Variants in CBX2 observed in about 807,000 individuals in gnomAD.
CBX2 encodes chromobox 2, also known as chromobox protein homolog 2.
A neutral mutation model predicts 21.0 loss-of-function variants in CBX2; 11 were observed. That is an observed-to-expected ratio of 0.52 (90% CI 0.33 to 0.87). CBX2 has a LOEUF of 0.87. Ranked by LOEUF, CBX2 falls within the 40% of genes least tolerant of loss-of-function variation. The pLI, the probability that CBX2 is intolerant of heterozygous loss-of-function variation, is 0.02. For synonymous variants in CBX2, 364 were observed against 304.6 expected (o/e 1.19, Z -2.03); for missense variants, 746 against 724.3 (o/e 1.03, Z -0.34).
Position 79,782,536 on chromosome 17 carries a change from C to T in CBX2, c.288+735C>T. ...CCTCCTCCGGGCACTGTCCCTGGACCTTCGCGTGTTGTGGCCACGAGCTCA... is the reference window on the plus strand; with the variant it reads ...CCTCCTCCGGGCACTGTCCCTGGACTTTCGCGTGTTGTGGCCACGAGCTCA... On this transcript the variant is annotated intron_variant, in intron 4 of 4. Transcript: ENST00000310942. 4.6e-6 allele frequency: 5 copies of T among 1,097,232 alleles called. 1 individual carries two copies. Among genetic ancestry groups the T allele is most frequent in the South Asian group, 5.4e-5 (2 of 37,316 alleles). The allele number at this position is 1,097,232 out of a possible 1,614,324, so 68.0% of individuals were successfully genotyped here.
At chr17:79,780,777 G>C (rs1907122502) in intron 3 of CBX2, among the ~76,000 whole-genome samples, 1 of 152,212 alleles carries the variant, frequency 6.6e-6, no homozygotes, top group African/African-American at 2.4e-5. Context: ...CGACGCACAG[G>C]ATCACAGCAG....
In CBX2 at chr17:79,785,333, G is replaced by T; in HGVS notation, c.*291G>T. ...AACCCGGTGGCACCTGTGGCTCCAGGTGACTGTCTTGAACAGAGCGGGCTT... is the reference window on the plus strand; with the variant it reads ...AACCCGGTGGCACCTGTGGCTCCAGTTGACTGTCTTGAACAGAGCGGGCTT... On this transcript the variant is annotated 3_prime_UTR_variant, in exon 5 of 5. Coordinates refer to ENST00000310942, the MANE Select transcript of CBX2 (RefSeq NM_005189.3). The T allele has an allele frequency of 7.7e-6, 4 of 520,354 alleles. No homozygotes were observed. The South Asian group carries it at 8.3e-5, about 11-fold the overall frequency. 32.2% of individuals were successfully genotyped at this position (520,354 alleles called of 1,614,324 possible). A position where few individuals can be genotyped will look rare whatever the true frequency, so the allele number is the denominator to read the frequency against.
chr17:79,777,974 C>G (rs1192641101), upstream of CBX2, among the ~76,000 whole-genome samples: 3 of 144,186 alleles, frequency 2.1e-5, no homozygotes, highest in African/African-American at 7.4e-5. Flanking sequence ...CCCGCCGGAG[C>G]GCGAGGCCCA....
At position 79,783,599 on chromosome 17, in the gene CBX2, AGG is replaced by A. The variant is rs1238784573; in HGVS notation, c.289-131_289-130del. 3.7e-4 allele frequency: 268 copies of A among 733,416 alleles called. 1 individual carries two copies. The African/African-American group carries it at 6.6e-3, about 18-fold the overall frequency. 45.4% of individuals were successfully genotyped at this position (733,416 alleles called of 1,614,324 possible). On this transcript the variant is annotated intron_variant, in intron 4 of 4. Transcript: ENST00000310942. ...TAATTTTTGTATTTTTAGTAGAAACAGGGCTCCACTATGTTGGCCAGGCTGGT... is the reference window on the plus strand; with the variant it reads ...TAATTTTTGTATTTTTAGTAGAAACAGCTCCACTATGTTGGCCAGGCTGGT...
rs1555829441 is a variant in CBX2 at position 79,778,389 on chromosome 17, G to A, written c.78G>A (p.Lys26=). 3 of 1,581,394 alleles carry A rather than the reference G, an allele frequency of 1.9e-6. No individual in the cohort carries two copies. Among genetic ancestry groups the A allele is most frequent in the Non-Finnish European group, 2.6e-6 (3 of 1,169,042 alleles). ...CCCCTCTTCTCTCCCCGCAGGGCAA[G>A]CTGGAGTACCTGGTCAAGTGGCGCG... ...CILSKRLRKG[K]LEYLVKWRGW... The change falls in exon 2 of 5, where the codon AAG becomes AAA. Residue 26 remains lysine (K), a synonymous_variant. Transcript: ENST00000310942. This position sits in a 1 kb window ranked among gnomAD's most constrained non-coding sequence, Gnocchi z 4.8.
rs1907568727 is a variant in CBX2 at position 79,785,398 on chromosome 17, C to CAA, written c.*356_*357insAA. On this transcript the variant is annotated 3_prime_UTR_variant, in exon 5 of 5. Coordinates refer to ENST00000310942, the MANE Select transcript of CBX2 (RefSeq NM_005189.3). ...TGTTGCTGAGTTTGAACTGCTCCTCCCTGGCCTGCGTGACTGAATCACAGC... is the reference window on the plus strand; with the variant it reads ...TGTTGCTGAGTTTGAACTGCTCCTCCAACTGGCCTGCGTGACTGAATCACAGC... The CAA allele has an allele frequency of 5.7e-6, 2 of 350,912 alleles. No individual in the cohort carries two copies. The highest frequency in any genetic ancestry group is 4.1e-5 in the African/African-American group (2 of 48,198). 21.7% of individuals were successfully genotyped at this position (350,912 alleles called of 1,614,324 possible). A position where few individuals can be genotyped will look rare whatever the true frequency, so the allele number is the denominator to read the frequency against.
At chr17:79,779,544 C>T (rs1907009085) in intron 3 of CBX2, 117 bp downstream of exon 3, 2 of 901,266 alleles carry the variant, frequency 2.2e-6, no homozygotes, top group African/African-American at 3.3e-5. Flanking sequence ...TCTGAGGTCC[C>T]TTAGCAAGAT....
chr17:79,779,092 G>A (rs2145820659), intron 2 of CBX2, among the ~76,000 whole-genome samples: 1 of 152,358 alleles, frequency 6.6e-6, no homozygotes, highest in African/African-American at 2.4e-5. Context: ...TTTCTCCCAG[G>A]CAGAGACTGT....
At chr17:79,777,866 C>G (rs1449321241), upstream of CBX2, among the ~76,000 whole-genome samples, 1 of 150,634 alleles carries the variant, frequency 6.6e-6, no homozygotes, top group Non-Finnish European at 1.5e-5. Context: ...GGTGGGCGCC[C>G]CAGGCCCGAA....
At chr17:79,779,677 C>A in intron 3 of CBX2, 1 of 548,866 alleles carries the variant, frequency 1.8e-6, no homozygotes, top group Admixed American at 3.0e-5. Flanking sequence ...TTTGGTGTTT[C>A]CGACAGCCAT....
Position 79,778,769 on chromosome 17 carries a change from A to C in CBX2, c.116+342A>C, listed in dbSNP as rs1906933595. ...GCCAGATTCTCCCCGCTGTAACCTGAGCTTGCTATTGATGGATGTAGAGTT... is the reference window on the plus strand; with the variant it reads ...GCCAGATTCTCCCCGCTGTAACCTGCGCTTGCTATTGATGGATGTAGAGTT... On this transcript the variant is annotated intron_variant, in intron 2 of 4. Transcript: ENST00000310942. The surrounding 1 kb of genome is among the most constrained non-coding windows in gnomAD (Gnocchi z 4.8). Among the ~76,000 whole-genome samples the C allele has an allele frequency of 6.6e-6, 1 of 150,626 alleles. No homozygotes were observed. Among genetic ancestry groups the C allele is most frequent in the South Asian group, 2.1e-4 (1 of 4,774 alleles).
chr17:79,781,611 T>C lies in CBX2; in HGVS notation c.183-85T>C, dbSNP rs570103121. Reference sequence around the variant, plus strand: ...ATAAGCTATTACAGGCCAACAGGAATAGGGTGCTGGAAGCCATAGAGTCCC... The same window carrying C: ...ATAAGCTATTACAGGCCAACAGGAACAGGGTGCTGGAAGCCATAGAGTCCC... On this transcript the variant is annotated intron_variant, in intron 3 of 4. Transcript: ENST00000310942. 1.7e-5 allele frequency: 20 copies of C among 1,143,330 alleles called. No individual in the cohort carries two copies. The Admixed American group carries it at 3.2e-4, about 18-fold the overall frequency. 70.8% of individuals were successfully genotyped at this position (1,143,330 alleles called of 1,614,324 possible).
Position 79,784,074 on chromosome 17 carries a change from C to G in CBX2, c.631C>G (p.Leu211Val), listed in dbSNP as rs1555831053. The G allele has an allele frequency of 6.2e-7, 1 of 1,612,288 alleles. No homozygotes were observed. Among genetic ancestry groups the G allele is most frequent in the Non-Finnish European group, 8.5e-7 (1 of 1,179,734 alleles). ...PPPLSAPVAG[L>V]AALKAHAKEA... Reference sequence around the variant, plus strand: ...TCCACTCAGCGCCCCCGTTGCAGGCCTGGCAGCTCTGAAGGCCCACGCCAA... The same window carrying G: ...TCCACTCAGCGCCCCCGTTGCAGGCGTGGCAGCTCTGAAGGCCCACGCCAA... The change falls in exon 5 of 5, where the codon CTG (leucine) becomes GTG (valine). Residue 211 changes from leucine to valine, a missense_variant. Physicochemically the swap from Leu to Val is conservative, Grantham distance 32. Coordinates refer to ENST00000310942, the MANE Select transcript of CBX2 (RefSeq NM_005189.3). The surrounding 1 kb of genome is among the most constrained non-coding windows in gnomAD (Gnocchi z 5.9).
At chr17:79,781,967 T>G in intron 4 of CBX2, 166 bp downstream of exon 4, 1 of 1,614,168 alleles carries the variant, frequency 6.2e-7, no homozygotes, top group Non-Finnish European at 8.5e-7. Flanking sequence ...GTCTCTCAGC[T>G]TCTGCTGCCA....
Position 79,784,241 on chromosome 17 carries a change from C to T in CBX2, c.798C>T (p.Ser266=), listed in dbSNP as rs782158114. Residue 266 remains serine, a synonymous_variant, in exon 5 of 5, where the codon AGC becomes AGT. Coordinates refer to ENST00000310942, the MANE Select transcript of CBX2 (RefSeq NM_005189.3). The surrounding 1 kb of genome is among the most constrained non-coding windows in gnomAD (Gnocchi z 5.9). ...ACTACATGAACCGGATGACCCAGAG[C>T]CAGGCCCAGGCTGCCAGCAGGTTGG... The part of the protein sequence containing the change: ...IVHYMNRMTQ[S]QAQAASRLAL... The T allele has an allele frequency of 7.4e-6, 12 of 1,612,980 alleles. 1 individual carries two copies. In the South Asian group the frequency reaches 9.9e-5, roughly 13 times the overall value.
chr17:79,779,945 T>C (rs1330881753), intron 3 of CBX2, among the ~76,000 whole-genome samples: 9 of 152,280 alleles, frequency 5.9e-5, no homozygotes, highest in Admixed American at 5.2e-4. Context: ...TATTTTGCTC[T>C]GGCCTGCAGC....
At position 79,780,272 on chromosome 17, in the gene CBX2, G is replaced by C. The variant is rs190656849; in HGVS notation, c.182+845G>C. 1.1e-3 allele frequency among the ~76,000 whole-genome samples: 171 copies of C among 152,356 alleles called. 2 individuals carry two copies. The highest frequency in any genetic ancestry group is 4.0e-3 in the African/African-American group (167 of 41,570). On this transcript the variant is annotated intron_variant, in intron 3 of 4. Coordinates refer to ENST00000310942, the MANE Select transcript of CBX2 (RefSeq NM_005189.3). ...GTCTTTCCCAGCCAGGGTCAATCTG[G>C]ACGGTTTGTTCTCTGGTAGCAAAAG...
rs782123011 is a variant in CBX2, at chr17:79,784,184, G to C, written c.741G>C (p.Arg247=). The C allele has an allele frequency of 6.2e-7, 1 of 1,612,866 alleles. No individual in the cohort carries two copies. Among genetic ancestry groups the C allele is most frequent in the East Asian group, 2.2e-5 (1 of 44,866 alleles). The change falls in exon 5 of 5, where the codon CGG becomes CGC. Residue 247 remains arginine (R), a synonymous_variant. Transcript: ENST00000310942. This position sits in a 1 kb window ranked among gnomAD's most constrained non-coding sequence, Gnocchi z 5.9. The stretch of plus-strand genomic sequence containing the variant: ...AGGGCATGGCCAGTAGCCCCGGCCG[G>C]GGTGGCATCAGCTGGCAGAGCTCCA... ...LMKGMASSPG[R]GGISWQSSIV...
chr17:79,784,254 G>A lies in CBX2; in HGVS notation c.811G>A (p.Ala271Thr), dbSNP rs1555831153. The change falls in exon 5 of 5, where the codon GCC becomes ACC. Residue 271 changes from alanine (A) to threonine (T), a missense_variant. Transcript: ENST00000310942. This position sits in a 1 kb window ranked among gnomAD's most constrained non-coding sequence, Gnocchi z 5.9. Reference protein sequence around the residue: ...NRMTQSQAQAASRLALKAQAT... With the variant: ...NRMTQSQAQATSRLALKAQAT... The stretch of plus-strand genomic sequence containing the variant: ...GATGACCCAGAGCCAGGCCCAGGCT[G>A]CCAGCAGGTTGGCGCTGAAGGCCCA... 1.9e-6 allele frequency: 3 copies of A among 1,612,890 alleles called. No individual in the cohort carries two copies. The highest frequency in any genetic ancestry group is 2.2e-5 in the East Asian group (1 of 44,884).
Sources: allele counts gnomAD v4.1 joint callset (sites outside exome capture counted in the v4.1 genomes callset), GRCh38; gene constraint gnomAD v4.1.1; non-coding constraint Gnocchi (gnomAD v3.1); transcripts MANE v1.5; gene names NCBI Gene and HGNC (gene_info 2026-07-23, HGNC 2026-07-21).